PHF21B: variants seen among roughly 807,000 people sequenced by gnomAD.
PHF21B encodes the protein PHD finger protein 4.
In PHF21B, 22 loss-of-function variants were observed where a neutral mutation model predicts 62.2. The observed-to-expected ratio is 0.35, with a 90% CI of 0.25 to 0.51. The LOEUF (loss-of-function observed/expected upper bound fraction) is 0.51. Ranked by LOEUF, PHF21B falls within the 20% of genes least tolerant of loss-of-function variation. The probability of loss-of-function intolerance (pLI) is 0.97; values close to 1 mark genes in which losing one functional copy is unlikely to be tolerated. For synonymous variants in PHF21B, 341 were observed against 314.7 expected (o/e 1.08, Z -0.88); for missense variants, 701 against 707.9 (o/e 0.99, Z 0.11).
At chr22:44,916,131 T>A in intron 4 of PHF21B, 149 bp downstream of exon 4, 1 of 753,600 alleles carries the variant, frequency 1.3e-6, no homozygotes, top group Non-Finnish European at 2.1e-6. Flanking sequence ...TCTGTTTCCG[T>A]CCCATTCATT....
Position 45,009,474 on chromosome 22 carries a change from G to C in PHF21B, c.54+22C>G. 1.3e-6 allele frequency: 2 copies of C among 1,529,650 alleles called. No individual in the cohort carries two copies. Among genetic ancestry groups the C allele is most frequent in the South Asian group, 1.2e-5 (1 of 83,448 alleles). 94.8% of individuals were successfully genotyped at this position (1,529,650 alleles called of 1,614,324 possible). ...CCCCGCAACACACTCCCCGGCCCCG[G>C]GCCCGGCCCCCGGCCACCTACCTGG... On this transcript the variant is annotated intron_variant, in intron 1 of 12. Transcript: ENST00000313237. The surrounding 1 kb of genome is among the most constrained non-coding windows in gnomAD (Gnocchi z 5.9).
intron 2 of PHF21B, among the ~76,000 whole-genome samples, chr22:44,984,089 TCATCATC>T (rs2072892616): frequency 2.6e-5 from 1 of 38,826 alleles, no homozygotes; most frequent in African/African-American, 1.0e-4. Flanking sequence ...ACCATCACCA[TCATCATC>T]ACCATCATCA....
intron 2 of PHF21B, among the ~76,000 whole-genome samples, chr22:45,004,483 C>T (rs964946153): frequency 1.3e-5 from 2 of 152,224 alleles, no homozygotes; most frequent in Non-Finnish European, 2.9e-5. Context: ...CCACGATCTT[C>T]CCCTAGCAGT....
At chr22:44,947,971 G>GCCTCCTCCCCGCTGTTGTC (rs71190603) in intron 2 of PHF21B, among the ~76,000 whole-genome samples, 77,866 of 136,432 alleles carry the variant, frequency 0.57, 24,411 homozygotes, top group Non-Finnish European at 0.64. Flanking sequence ...GGGCGCCAGA[G>GCCTCCTCCCCGCTGTTGTC]CCTCCTCCCC....
intron 2 of PHF21B, among the ~76,000 whole-genome samples, chr22:44,991,313 C>T (rs1455632817): frequency 1.3e-5 from 2 of 152,282 alleles, no homozygotes; most frequent in East Asian, 3.9e-4. Context: ...TACAGATTCT[C>T]CCACCTCACA....
chr22:44,913,400 G>A (rs1330489837), intron 5 of PHF21B, among the ~76,000 whole-genome samples: 3 of 152,156 alleles, frequency 2.0e-5, no homozygotes, highest in Non-Finnish European at 4.4e-5. Context: ...GGGTGTAGTG[G>A]CCAAAAGTCC....
chr22:44,917,219 T>C (rs1459355866), intron 3 of PHF21B, among the ~76,000 whole-genome samples: 1 of 152,202 alleles, frequency 6.6e-6, no homozygotes, highest in Admixed American at 6.5e-5. Context: ...CTGGACAGAC[T>C]GTTGGTTTGG....
chr22:44,997,843 G>A (rs2073148063), intron 2 of PHF21B, among the ~76,000 whole-genome samples: 1 of 152,142 alleles, frequency 6.6e-6, no homozygotes, highest in South Asian at 2.1e-4. Flanking sequence ...GCCTCCTCAG[G>A]GAGGTCCCAA....
intron 2 of PHF21B, among the ~76,000 whole-genome samples, chr22:45,007,424 A>AGCGCGGGGGCAGGCCCGGGCGGGGGC (rs1359815746): frequency 2.2e-5 from 3 of 137,304 alleles, no homozygotes; most frequent in East Asian, 2.3e-4. Context: ...CTGGGGTGGG[A>AGCGCGGGGGCAGGCCCGGGCGGGGGC]GCGCGGGGGC....
At chr22:44,897,665 T>C (rs2071084477) in intron 5 of PHF21B, among the ~76,000 whole-genome samples, 2 of 152,192 alleles carry the variant, frequency 1.3e-5, no homozygotes, top group African/African-American at 4.8e-5. Flanking sequence ...GGCTGGCTTA[T>C]TTATTGTAGT....
At position 44,888,053 on chromosome 22, in the gene PHF21B, G is replaced by C; in HGVS notation, c.1107C>G (p.Thr369=). The C allele has an allele frequency of 2.6e-6, 4 of 1,552,122 alleles. No individual in the cohort carries two copies. The highest frequency in any genetic ancestry group is 3.5e-6 in the Non-Finnish European group (4 of 1,148,448). ...AGCTGAGGTGGTAGGCCCCCGGGCA[G>C]GTGCCGCAGGGCTGCAGGTTGGCCC... ...KRGANLQPCG[T]CPGAYHLSCL... Residue 369 remains threonine (T), a synonymous_variant, in exon 10 of 13, where the codon ACC becomes ACG. Transcript: ENST00000313237.
At chr22:44,901,395 C>G (rs772466325) in intron 5 of PHF21B, among the ~76,000 whole-genome samples, 6 of 152,224 alleles carry the variant, frequency 3.9e-5, no homozygotes, top group Non-Finnish European at 8.8e-5. Flanking sequence ...GAACAGGAAA[C>G]AGGAACCAAT....
intron 2 of PHF21B, among the ~76,000 whole-genome samples, chr22:44,979,385 G>A (rs140656609): frequency 6.6e-6 from 1 of 152,246 alleles, no homozygotes; most frequent in South Asian, 2.1e-4. Flanking sequence ...ACCCGAGGTC[G>A]TGCAAGGGCA....
Position 44,916,537 on chromosome 22 carries a change from C to T in PHF21B, c.307G>A (p.Val103Met). 1 of 1,609,506 alleles carries T rather than the reference C, an allele frequency of 6.2e-7. No individual in the cohort carries two copies. Among genetic ancestry groups the T allele is most frequent in the Non-Finnish European group, 8.5e-7 (1 of 1,179,912 alleles). The change falls in exon 4 of 13, where the codon GTG (valine) becomes ATG (methionine). Residue 103 changes from valine to methionine, a missense_variant. Coordinates refer to ENST00000313237, the MANE Select transcript of PHF21B (RefSeq NM_138415.5). The part of the protein sequence containing the change: ...KQPPTFQKAT[V>M]VSVKNPSPAL... ...GGGCTGGGGTTCTTGACGCTGACCA[C>T]GGTGGCCTTCTGGAATGTTGGGGGC...
At chr22:44,973,115 G>A (rs1385890206) in intron 2 of PHF21B, among the ~76,000 whole-genome samples, 1 of 152,204 alleles carries the variant, frequency 6.6e-6, no homozygotes, top group Non-Finnish European at 1.5e-5. Context: ...TCACAGCCCG[G>A]TGGAGTCTGT....
At position 44,883,184 on chromosome 22, in the gene PHF21B, T is replaced by C; in HGVS notation, c.1498A>G (p.Thr500Ala). ...AGCAGTGGGGCAGGGCTAGTGGTCG[T>C]CATGGTGACCTGGAGCAGCTGCTCG... is the stretch of plus-strand genomic sequence containing the variant. ...QGEQLLQVTM[T>A]TTSPAPLLAG... The change falls in exon 13 of 13, where the codon ACG (threonine) becomes GCG (alanine). Residue 500 changes from threonine (T) to alanine (A), a missense_variant. Transcript: ENST00000313237. 2 of 1,613,410 alleles carry C rather than the reference T, an allele frequency of 1.2e-6. No individual in the cohort carries two copies. Among genetic ancestry groups the C allele is most frequent in the Non-Finnish European group, 1.7e-6 (2 of 1,179,932 alleles).
chr22:44,928,364 C>T lies in PHF21B; in HGVS notation c.121-7874G>A, dbSNP rs117595820. Among the ~76,000 whole-genome samples the T allele has an allele frequency of 5.8e-4, 88 of 152,320 alleles. No individual in the cohort carries two copies. The East Asian group carries it at 0.014, about 24-fold the overall frequency. On this transcript the variant is annotated intron_variant, in intron 2 of 12. Transcript: ENST00000313237. ...GAGCCCTGTCATTTGTGGGTCTCTT[C>T]TGCCTCTTTCCATTTAGAACAGCCC...
At chr22:44,948,311 G>T (rs2072120253) in intron 2 of PHF21B, among the ~76,000 whole-genome samples, 1 of 152,156 alleles carries the variant, frequency 6.6e-6, no homozygotes, top group African/African-American at 2.4e-5. Flanking sequence ...GTGGGTGATG[G>T]GGACAGTGAC....
rs1413097192 is a variant in PHF21B at position 44,885,586 on chromosome 22, T to C, written c.1274-57A>G. On this transcript the variant is annotated intron_variant, in intron 11 of 12. Coordinates refer to ENST00000313237, the MANE Select transcript of PHF21B (RefSeq NM_138415.5). ...GGGCAGGTAAGGAGCGGCTGGGTCG[T>C]AGAGTAAATGGGAGAGGCAGAAGGG... The C allele has an allele frequency of 1.4e-5, 21 of 1,492,154 alleles. No homozygotes were observed. In the Admixed American group the frequency reaches 1.8e-4, roughly 13 times the overall value. 92.4% of individuals were successfully genotyped at this position (1,492,154 alleles called of 1,614,324 possible). A position where few individuals can be genotyped will look rare whatever the true frequency, so the allele number is the denominator to read the frequency against.
Sources: allele counts gnomAD v4.1 joint callset (sites outside exome capture counted in the v4.1 genomes callset), GRCh38; gene constraint gnomAD v4.1.1; non-coding constraint Gnocchi (gnomAD v3.1); transcripts MANE v1.5; gene names NCBI Gene and HGNC (gene_info 2026-07-23, HGNC 2026-07-21).